The following OR7A5 variants were observed in gnomAD, a reference collection of about 807,000 sequenced individuals.
OR7A5 encodes the protein olfactory receptor 7A5.
For missense variants in OR7A5, 319 were observed against 377.9 expected (o/e 0.84, Z 1.29); for synonymous variants, 140 against 146.7 (o/e 0.95, Z 0.33).
chr19:14,827,749 G>T lies in OR7A5; in HGVS notation c.493C>A (p.Arg165=). ...YSLLQILMVV[R]LSFCTALEIP... ...TCTAAGGCTGTGCAGAAGGACAGCC[G>T]TACTACCATTAAGATTTGTAGCAAG... The change falls in exon 2 of 2, where the codon CGG becomes AGG. Residue 165 remains arginine (R), a synonymous_variant. Coordinates refer to ENST00000322301, the MANE Select transcript of OR7A5 (RefSeq NM_017506.2). 1 of 1,614,090 alleles carries T rather than the reference G, an allele frequency of 6.2e-7. No homozygotes were observed. Among genetic ancestry groups the T allele is most frequent in the Non-Finnish European group, 8.5e-7 (1 of 1,179,994 alleles).
chr19:14,832,060 C>T (rs925846836), intron 1 of OR7A5, among the ~76,000 whole-genome samples: 1 of 152,106 alleles, frequency 6.6e-6, no homozygotes, highest in Admixed American at 6.5e-5. Flanking sequence ...AGGCATGTGT[C>T]ACCATACCTA....
rs146156692 is a variant in OR7A5, at chr19:14,830,352, C to T, written c.-13-2098G>A. 3.5e-3 allele frequency among the ~76,000 whole-genome samples: 526 copies of T among 152,204 alleles called. 14 individuals carry two copies. The highest frequency in any genetic ancestry group is 0.029 in the Admixed American group (448 of 15,292). On this transcript the variant is annotated intron_variant, in intron 1 of 1. Transcript: ENST00000322301. ...AACAGAGTGAGAGAAATTAAACAGA[C>T]CCCAGTAAGGAAAAAGTCTAATAAA...
chr19:14,827,804 T>A lies in OR7A5; in HGVS notation c.438A>T (p.Leu146=), dbSNP rs2190686. 1 of 1,613,810 alleles carries A rather than the reference T, an allele frequency of 6.2e-7. No individual in the cohort carries two copies. The highest frequency in any genetic ancestry group is 1.7e-5 in the Admixed American group (1 of 59,982). ...MNPHLCGLLV[L]ASWTMSALYS... is the part of the protein sequence containing the mutation. The stretch of plus-strand genomic sequence containing the variant: ...ACAGAGCACTCATGGTCCAGGATGC[T>A]AGAACCAGCAGTCCACAGAGGTGAG... The change falls in exon 2 of 2, where the codon CTA becomes CTT. Residue 146 remains leucine (L), a synonymous_variant. Transcript: ENST00000322301.
At position 14,832,175 on chromosome 19, in the gene OR7A5, G is replaced by A. The variant is rs115867516; in HGVS notation, c.-14+2899C>T. 2.8e-3 allele frequency among the ~76,000 whole-genome samples: 425 copies of A among 152,254 alleles called. 1 individual carries two copies. The highest frequency in any genetic ancestry group is 9.5e-3 in the African/African-American group (394 of 41,540). On this transcript the variant is annotated intron_variant, in intron 1 of 1. Transcript: ENST00000322301. Reference sequence around the variant, plus strand: ...TCCTCCCAGCTGGGCCTCCCAAAGTGCTGGAATTATAGGCATGAGTCACCT... The same window carrying A: ...TCCTCCCAGCTGGGCCTCCCAAAGTACTGGAATTATAGGCATGAGTCACCT...
intron 1 of OR7A5, among the ~76,000 whole-genome samples, chr19:14,829,241 G>C (rs1288639216): frequency 6.6e-6 from 1 of 152,230 alleles, no homozygotes; most frequent in Non-Finnish European, 1.5e-5. Flanking sequence ...GTCTCGCTCT[G>C]TTGCCGGGCT....
chr19:14,830,871 C>T (rs564547895), intron 1 of OR7A5, among the ~76,000 whole-genome samples: 4 of 152,252 alleles, frequency 2.6e-5, no homozygotes, highest in South Asian at 2.1e-4. Context: ...TTCCTGCACC[C>T]GTCTTATCAC....
chr19:14,827,987 G>C lies in OR7A5; in HGVS notation c.255C>G (p.Ile85Met), dbSNP rs912824160. The C allele has an allele frequency of 1.9e-6, 3 of 1,614,078 alleles. No homozygotes were observed. Among genetic ancestry groups the C allele is most frequent in the Non-Finnish European group, 2.5e-6 (3 of 1,180,042 alleles). The change falls in exon 2 of 2, where the codon ATC becomes ATG. Residue 85 changes from isoleucine to methionine, a missense_variant. By Grantham distance (10) the Ile-to-Met change is conservative (BLOSUM62 1). Coordinates refer to ENST00000322301, the MANE Select transcript of OR7A5 (RefSeq NM_017506.2). ...STTIPKMLMN[I>M]QTQNKVITYI... ...AGGTGATGACTTTGTTCTGTGTCTG[G>C]ATGTTCATCAGCATTTTTGGAATGG... is the stretch of plus-strand genomic sequence containing the variant.
At chr19:14,830,797 C>T (rs761622511) in intron 1 of OR7A5, among the ~76,000 whole-genome samples, 19 of 152,122 alleles carry the variant, frequency 1.2e-4, no homozygotes, top group Non-Finnish European at 1.9e-4. Flanking sequence ...GATAGATAAG[C>T]TCTAAGTCTG....
At chr19:14,833,316 C>G (rs2145087841) in intron 1 of OR7A5, among the ~76,000 whole-genome samples, 1 of 152,226 alleles carries the variant, frequency 6.6e-6, no homozygotes, top group South Asian at 2.1e-4. Flanking sequence ...CCATCTCTAC[C>G]AAAAATACAA....
Position 14,827,321 on chromosome 19 carries a change from C to T in OR7A5, c.921G>A (p.Trp307Ter). Residue 307 changes from tryptophan to a stop codon, truncating the protein, a stop_gained, in exon 2 of 2, where the codon TGG becomes TGA. Coordinates refer to ENST00000322301, the MANE Select transcript of OR7A5 (RefSeq NM_017506.2). LOFTEE classifies it low-confidence loss of function (END_TRUNC). ...IKRALGIHLL[W>*]GTMKGQFFKK... is the part of the protein sequence containing the mutation. The stretch of plus-strand genomic sequence containing the variant: ...TGAAAAATTGCCCTTTCATTGTTCC[C>T]CACAACAAATGTATTCCCAGAGCCC... 6.4e-7 allele frequency: 1 copy of T among 1,572,890 alleles called. No homozygotes were observed. The highest frequency in any genetic ancestry group is 8.6e-7 in the Non-Finnish European group (1 of 1,163,164).
chr19:14,828,758 CAAAAAAAAAAAAAAA>C (rs58983718), intron 1 of OR7A5, among the ~76,000 whole-genome samples: 3 of 35,154 alleles, frequency 8.5e-5, no homozygotes, highest in South Asian at 1.4e-3. Flanking sequence ...GACTCCATCT[CAAAAAAAAAAAAAAA>C]AAAAAAAAAA....
chr19:14,827,445 C>A lies in OR7A5; in HGVS notation c.797G>T (p.Arg266Leu). 6.2e-7 allele frequency: 1 copy of A among 1,614,004 alleles called. No individual in the cohort carries two copies. The highest frequency in any genetic ancestry group is 1.6e-4 in the Middle Eastern group (1 of 6,062). The change falls in exon 2 of 2, where the codon CGC (arginine) becomes CTC (leucine). Residue 266 changes from arginine (R) to leucine (L), a missense_variant. Transcript: ENST00000322301. ...GGCTGTTGCACTTGAGTGTGAGTTG[C>A]GGGTGGCAGCAGAACTAAGGTACAC... ...LGVYLSSAAT[R>L]NSHSSATASV...
rs753641078 is a variant in OR7A5 at position 14,826,408 on chromosome 19, G to A, written c.*874C>T. On this transcript the variant is annotated 3_prime_UTR_variant, in exon 2 of 2. Transcript: ENST00000322301. ...TTTGGTTAGTGGGATAGAAGGATTCGTATTTGTAGGGAGCACTAAAAATTT... is the reference window on the plus strand; with the variant it reads ...TTTGGTTAGTGGGATAGAAGGATTCATATTTGTAGGGAGCACTAAAAATTT... 2.6e-5 allele frequency: 4 copies of A among 152,176 alleles called. No homozygotes were observed. The highest frequency in any genetic ancestry group is 7.2e-5 in the African/African-American group (3 of 41,450). The allele number at this position is 152,176 out of a possible 1,614,324, so 9.4% of individuals were successfully genotyped here. A position where few individuals can be genotyped will look rare whatever the true frequency, so the allele number is the denominator to read the frequency against.
chr19:14,834,614 G>T (rs138161749), intron 1 of OR7A5, among the ~76,000 whole-genome samples: 2 of 152,258 alleles, frequency 1.3e-5, no homozygotes, highest in East Asian at 3.9e-4. Context: ...GTTGCAAAAT[G>T]GTATTTGCAA....
At chr19:14,830,507 A>T (rs10412677) in intron 1 of OR7A5, among the ~76,000 whole-genome samples, 71,054 of 151,482 alleles carry the variant, frequency 0.47, 17,305 homozygotes, top group East Asian at 0.7. Context: ...AATAAAAGCG[A>T]CCCTGGTTAT....
Position 14,828,251 on chromosome 19 carries a change from G to A in OR7A5, c.-10C>T. ...CATTTCCTGGTTCCATTTGATTGAA[G>A]TGACTATCAGAGAGAGAGAGAGAAA... is the stretch of plus-strand genomic sequence containing the variant. On this transcript the variant is annotated 5_prime_UTR_variant, in exon 2 of 2. Transcript: ENST00000322301. 6.2e-7 allele frequency: 1 copy of A among 1,603,710 alleles called. No homozygotes were observed. Among genetic ancestry groups the A allele is most frequent in the Non-Finnish European group, 8.5e-7 (1 of 1,173,832 alleles).
rs2044773116 is a variant in OR7A5 at position 14,826,885 on chromosome 19, A to G, written c.*397T>C. On this transcript the variant is annotated 3_prime_UTR_variant, in exon 2 of 2. Transcript: ENST00000322301. ...AGGAGCATTGAAGGTAGAGACAGACATAGGACTGAAGAATACAAAAGTGAA... is the reference window on the plus strand; with the variant it reads ...AGGAGCATTGAAGGTAGAGACAGACGTAGGACTGAAGAATACAAAAGTGAA... The G allele has an allele frequency of 1.3e-5, 2 of 159,036 alleles. No homozygotes were observed. The highest frequency in any genetic ancestry group is 4.8e-5 in the African/African-American group (2 of 41,558). The allele number at this position is 159,036 out of a possible 1,614,324, so 9.9% of individuals were successfully genotyped here.
chr19:14,829,087 C>A (rs931276145), intron 1 of OR7A5, among the ~76,000 whole-genome samples: 3 of 152,118 alleles, frequency 2.0e-5, no homozygotes, highest in Admixed American at 6.6e-5. Flanking sequence ...GACCTGCAAA[C>A]AAGGTGATGT....
In OR7A5 at chr19:14,827,926, G is replaced by C; in HGVS notation, c.316C>G (p.Leu106Val). Reference sequence around the variant, plus strand: ...AGGAAGTTTTCAAATCCAGCAAAGAGTATGAAAAAATACATCTGCATGAGG... The same window carrying C: ...AGGAAGTTTTCAAATCCAGCAAAGACTATGAAAAAATACATCTGCATGAGG... ...ACLMQMYFFILFAGFENFLLS... is the reference protein window; with the variant it reads ...ACLMQMYFFIVFAGFENFLLS... Residue 106 changes from leucine (L) to valine (V), a missense_variant, in exon 2 of 2, where the codon CTC (leucine) becomes GTC (valine). By Grantham distance (32) the Leu-to-Val change is conservative. Transcript: ENST00000322301. 6.2e-7 allele frequency: 1 copy of C among 1,614,188 alleles called. No individual in the cohort carries two copies. The highest frequency in any genetic ancestry group is 1.3e-5 in the African/African-American group (1 of 75,044).
Sources: gnomAD v4.1 joint callset for allele counts (sites outside exome capture counted in the v4.1 genomes callset) on GRCh38, gnomAD v4.1.1 for gene constraint, MANE v1.5 for transcripts, NCBI Gene and HGNC (gene_info 2026-07-23, HGNC 2026-07-21) for gene names.